The following AP2A2 variants were observed in gnomAD, a reference collection of about 807,000 sequenced individuals.
AP2A2 encodes adaptor related protein complex 2 subunit alpha 2, also known as AP-2 complex subunit alpha-2.
In AP2A2, 32 loss-of-function variants were observed where a neutral mutation model predicts 104.2. The ratio of observed to expected loss-of-function variants is 0.31; its 90% CI spans 0.23 to 0.41. The LOEUF is 0.41. AP2A2 is among the 10% of genes least tolerant of loss of function. AP2A2 has a pLI of 1.00. For synonymous variants in AP2A2, 539 were observed against 533.3 expected, an observed-to-expected ratio of 1.01 and a Z score of -0.15; for missense variants, 912 against 1,261.0, an observed-to-expected ratio of 0.72 and a Z score of 4.19.
intron 1 of AP2A2, among the ~76,000 whole-genome samples, chr11:926,660 G>A (rs911210534): frequency 6.6e-6 from 1 of 152,206 alleles, no homozygotes; most frequent in African/African-American, 2.4e-5. Context: ...TGTGACCTGG[G>A]TTCTGGAGGC....
chr11:975,008 G>A (rs541141076), intron 4 of AP2A2, among the ~76,000 whole-genome samples: 3 of 152,138 alleles, frequency 2.0e-5, no homozygotes, highest in Non-Finnish European at 2.9e-5. Context: ...AAACATGCTC[G>A]GGAAGGAGGT....
At position 925,950 on chromosome 11, in the gene AP2A2, ACTCCCCGCTTCCCG is replaced by A. The variant is rs1853103824; in HGVS notation, c.-63_-50del. The A allele has an allele frequency of 8.4e-7, 1 of 1,197,232 alleles. No homozygotes were observed. The highest frequency in any genetic ancestry group is 1.1e-6 in the Non-Finnish European group (1 of 912,508). The allele number at this position is 1,197,232 out of a possible 1,614,324, so 74.2% of individuals were successfully genotyped here. Reference sequence around the variant, plus strand: ...CCTCCGCGGCGGTGACGGCGACCGCACTCCCCGCTTCCCGCTCCCCGCGCTCCTCCGCCCGGGTC... The same window carrying A: ...CCTCCGCGGCGGTGACGGCGACCGCACTCCCCGCGCTCCTCCGCCCGGGTC... On this transcript the variant is annotated 5_prime_UTR_variant, in exon 1 of 22. Transcript: ENST00000448903.
intron 1 of AP2A2, among the ~76,000 whole-genome samples, chr11:936,868 G>A (rs1218743970): frequency 6.6e-6 from 1 of 152,112 alleles, no homozygotes; most frequent in Non-Finnish European, 1.5e-5. Flanking sequence ...TACCTCACTC[G>A]AGGCAGTGTC....
chr11:932,768 T>G, intron 1 of AP2A2: 1 of 456,254 alleles, frequency 2.2e-6, no homozygotes, highest in East Asian at 7.0e-5. Context: ...TCCGTCTGGC[T>G]CCTCTGAAGG....
At position 1,011,805 on chromosome 11, in the gene AP2A2, C is replaced by G. The variant is rs921064879; in HGVS notation, c.*1180C>G. The G allele has an allele frequency of 1.0e-5, 3 of 300,962 alleles. No homozygotes were observed. The highest frequency in any genetic ancestry group is 1.9e-4 in the East Asian group (2 of 10,532). 18.6% of individuals were successfully genotyped at this position (300,962 alleles called of 1,614,324 possible). ...GCCCTCAGTTGCCTGCTGTGCGGGT[C>G]CCTGGGGCAGCTGCAGGGGCTCATG... is the stretch of plus-strand genomic sequence containing the variant. On this transcript the variant is annotated 3_prime_UTR_variant, in exon 22 of 22. Coordinates refer to ENST00000448903, the MANE Select transcript of AP2A2 (RefSeq NM_012305.4).
chr11:945,099 A>T (rs1459484513), intron 1 of AP2A2, among the ~76,000 whole-genome samples: 1 of 151,726 alleles, frequency 6.6e-6, no homozygotes, highest in Non-Finnish European at 1.5e-5. Context: ...GGCTGATGGG[A>T]TGTGGGGGAT....
intron 16 of AP2A2, among the ~76,000 whole-genome samples, chr11:1,005,037 T>C (rs1467016460): frequency 2.6e-5 from 4 of 152,162 alleles, no homozygotes; most frequent in Non-Finnish European, 5.9e-5. Context: ...TGTCCACCCA[T>C]GTCCAATGGC....
Position 981,253 on chromosome 11 carries a change from A to T in AP2A2, c.659A>T (p.Glu220Val). ...ACCACTTTAGCACAGAAGAACCCAG[A>T]AGAGTTTAAAACCTCCGTGTCTCTG... is the stretch of plus-strand genomic sequence containing the variant. ...LITTLAQKNPEEFKTSVSLAV... is the reference protein window; with the variant it reads ...LITTLAQKNPVEFKTSVSLAV... Residue 220 changes from glutamate to valine, a missense_variant, in exon 6 of 22, where the codon GAA becomes GTA. Transcript: ENST00000448903. 6.2e-7 allele frequency: 1 copy of T among 1,613,716 alleles called. No homozygotes were observed. Among genetic ancestry groups the T allele is most frequent in the Non-Finnish European group, 8.5e-7 (1 of 1,179,826 alleles).
intron 2 of AP2A2, among the ~76,000 whole-genome samples, chr11:965,827 A>G (rs960987354): frequency 6.6e-6 from 1 of 152,220 alleles, no homozygotes; most frequent in Non-Finnish European, 1.5e-5. Context: ...CTCATACTCT[A>G]CAGAGACATG....
chr11:947,100 T>G (rs1248156215), intron 1 of AP2A2: 2 of 140,544 alleles, frequency 1.4e-5, no homozygotes, highest in African/African-American at 5.3e-5. Flanking sequence ...AGCCCCCACC[T>G]CCCGGACTCA....
At chr11:969,502 A>C (rs1321714979) in intron 2 of AP2A2, among the ~76,000 whole-genome samples, 1 of 152,052 alleles carries the variant, frequency 6.6e-6, no homozygotes, top group African/African-American at 2.4e-5. Flanking sequence ...CTGGGATTAC[A>C]GGCGTGAGCC....
chr11:984,840 A>G, intron 7 of AP2A2, 87 bp downstream of exon 7: 1 of 1,175,666 alleles, frequency 8.5e-7, no homozygotes, highest in South Asian at 1.2e-5. Context: ...TGTTATTTTA[A>G]GAAGTGTGTT....
chr11:941,302 A>G (rs1853635916), intron 1 of AP2A2, among the ~76,000 whole-genome samples: 1 of 152,078 alleles, frequency 6.6e-6, no homozygotes, highest in African/African-American at 2.4e-5. Flanking sequence ...ATTGCTTGGC[A>G]ATGTCCAGGA....
chr11:948,740 A>G (rs10794353), intron 1 of AP2A2, among the ~76,000 whole-genome samples: 72,781 of 151,918 alleles, frequency 0.48, 18,366 homozygotes, highest in Middle Eastern at 0.65. Context: ...GGTGGTGCAC[A>G]CTGGTAATCC....
chr11:937,551 C>T (rs776010659), intron 1 of AP2A2, among the ~76,000 whole-genome samples: 10 of 152,158 alleles, frequency 6.6e-5, no homozygotes, highest in Non-Finnish European at 1.0e-4. Context: ...GAGGCTGCAG[C>T]GAGCCACGTT....
chr11:1,000,759 G>T (rs1377956040), intron 15 of AP2A2, among the ~76,000 whole-genome samples, 161 bp downstream of exon 15: 3 of 152,182 alleles, frequency 2.0e-5, no homozygotes, highest in African/African-American at 7.2e-5. Flanking sequence ...GGGTGGGTTT[G>T]CTGTGTCATT....
intron 2 of AP2A2, among the ~76,000 whole-genome samples, chr11:965,792 G>A (rs1854594148): frequency 6.6e-6 from 1 of 152,212 alleles, no homozygotes; most frequent in Non-Finnish European, 1.5e-5. Flanking sequence ...CCATCTTTAA[G>A]CCTTTAGAAA....
chr11:985,026 C>T (rs1204814398), intron 7 of AP2A2, among the ~76,000 whole-genome samples: 1 of 152,212 alleles, frequency 6.6e-6, no homozygotes, highest in African/African-American at 2.4e-5. Flanking sequence ...CTTTGTTGCC[C>T]AGGCTGGAGT....
At chr11:936,369 A>T (rs1397374741) in intron 1 of AP2A2, among the ~76,000 whole-genome samples, 1 of 151,026 alleles carries the variant, frequency 6.6e-6, no homozygotes, top group African/African-American at 2.4e-5. Context: ...ATGCCACCAC[A>T]CCTGGCTAAT....
Sources: allele counts gnomAD v4.1 joint callset (sites outside exome capture counted in the v4.1 genomes callset), GRCh38; gene constraint gnomAD v4.1.1; transcripts MANE v1.5; gene names NCBI Gene and HGNC (gene_info 2026-07-23, HGNC 2026-07-21).